Variants in WNK3 observed in about 807,000 individuals in gnomAD.
WNK3 encodes the protein serine/threonine-protein kinase WNK3.
Under a neutral mutation model 116.7 loss-of-function variants are expected in WNK3, and 18 were observed. The ratio of observed to expected loss-of-function variants is 0.15; its 90% CI spans 0.11 to 0.23. WNK3 has a LOEUF of 0.23. Among genes scored for constraint, WNK3 ranks in the 10% least tolerant of loss-of-function variants. The pLI is 1.00. For missense variants in WNK3, 993 were observed against 1,323.8 expected, an observed-to-expected ratio of 0.75 and a Z score of 3.88; for synonymous variants, 404 against 469.4, an observed-to-expected ratio of 0.86 and a Z score of 1.80.
chrX:54,238,294 A>AT, intron 19 of WNK3, 48 bp downstream of exon 19: 1 of 1,171,707 alleles, frequency 8.5e-7, no homozygotes, highest in Non-Finnish European at 1.1e-6. Flanking sequence ...ACTGGCTGTT[A>AT]TATTTTATAA....
rs782400336 is a variant in WNK3, at chrX:54,316,194, TATGTC to T, written c.538-4908_538-4904del. Among the ~76,000 whole-genome samples the T allele has an allele frequency of 5.3e-3, 588 of 111,070 alleles. 5 individuals are homozygous for T. The highest frequency in any genetic ancestry group is 0.013 in the South Asian group (34 of 2,611). ...TGACTGTATTTGGAGACGGGACCTTTATGTCATAAGGGTGGGTCCTTGATCCAATA... is the reference window on the plus strand; with the variant it reads ...TGACTGTATTTGGAGACGGGACCTTTATAAGGGTGGGTCCTTGATCCAATA... On this transcript the variant is annotated intron_variant, in intron 2 of 23. Transcript: ENST00000354646.
intron 22 of WNK3, among the ~76,000 whole-genome samples, chrX:54,204,750 C>T (rs1442781218): frequency 8.9e-6 from 1 of 112,223 alleles, no homozygotes; most frequent in African/African-American, 3.2e-5. Context: ...TGTTCTCAAC[C>T]TAGAAGAATG....
intron 6 of WNK3, among the ~76,000 whole-genome samples, chrX:54,298,941 C>T (rs2068726973): frequency 8.9e-6 from 1 of 112,039 alleles, no homozygotes; most frequent in Non-Finnish European, 1.9e-5. Context: ...TTACAGAATG[C>T]CATGGGTGAA....
At chrX:54,352,989 G>T (rs781794381) in intron 1 of WNK3, among the ~76,000 whole-genome samples, 2 of 112,170 alleles carry the variant, frequency 1.8e-5, no homozygotes, top group Admixed American at 9.5e-5. Flanking sequence ...TATATTATAT[G>T]ATTCCATTTA....
chrX:54,309,323 A>G lies in WNK3; in HGVS notation c.711-8T>C, dbSNP rs782793185. On this transcript the variant is annotated splice_polypyrimidine_tract_variant and splice_region_variant and intron_variant, in intron 3 of 23. Transcript: ENST00000354646. ...TTAAATCGTTTTAAGTACCTATACA[A>G]AGAAACAAAAGACCATGTGTAAACA... is the stretch of plus-strand genomic sequence containing the variant. The G allele has an allele frequency of 8.7e-7, 1 of 1,153,237 alleles. No individual in the cohort carries two copies. The highest frequency in any genetic ancestry group is 2.2e-5 in the Admixed American group (1 of 45,383).
At chrX:54,222,940 A>ATATATATATATAT (rs869180374) in intron 22 of WNK3, among the ~76,000 whole-genome samples, 18 of 86,421 alleles carry the variant, frequency 2.1e-4, no homozygotes, top group African/African-American at 1.1e-3. Flanking sequence ...ATATATATAT[A>ATATATATATATAT]AAAAAAGACA....
chrX:54,271,019 T>C (rs1465966435), intron 10 of WNK3, among the ~76,000 whole-genome samples: 2 of 111,787 alleles, frequency 1.8e-5, no homozygotes, highest in Non-Finnish European at 3.8e-5. Context: ...CCTCAGGTGA[T>C]CTGCCCGCCT....
chrX:54,251,411 T>C (rs1557154167), exon 15 of WNK3: 1 of 1,175,589 alleles, frequency 8.5e-7, no homozygotes, highest in Non-Finnish European at 1.1e-6. Flanking sequence ...CTGGTTTGAG[T>C]AGATGTAGAA....
intron 3 of WNK3, 22 bp from the exon 4 acceptor site, chrX:54,309,337 C>T: frequency 9.0e-7 from 1 of 1,113,791 alleles, no homozygotes; most frequent in African/African-American, 1.8e-5. Flanking sequence ...AACAAAAGAC[C>T]ATGTGTAAAC....
At chrX:54,238,232 CA>C (rs1160616252) in intron 19 of WNK3, 109 bp downstream of exon 19, 486 of 914,658 alleles carry the variant, frequency 5.3e-4, no homozygotes, top group South Asian at 9.3e-4. Flanking sequence ...AACTCCATCT[CA>C]AAAAAAAATA....
chrX:54,284,891 A>C (rs2068561995), intron 10 of WNK3, among the ~76,000 whole-genome samples: 1 of 109,495 alleles, frequency 9.1e-6, no homozygotes, highest in Admixed American at 9.8e-5. Flanking sequence ...AATCACTTGA[A>C]CCCAGGAGGT....
intron 7 of WNK3, among the ~76,000 whole-genome samples, chrX:54,296,359 C>T (rs1557166310): frequency 2.7e-5 from 3 of 110,787 alleles, no homozygotes; most frequent in African/African-American, 6.6e-5. Context: ...GAGATTATCT[C>T]GGTGAATCTT....
intron 22 of WNK3, among the ~76,000 whole-genome samples, chrX:54,220,876 G>A (rs1397076687): frequency 9.0e-6 from 1 of 110,856 alleles, no homozygotes; most frequent in Non-Finnish European, 1.9e-5. Context: ...TTTAACCTGG[G>A]CCAGAATAGA....
At chrX:54,225,620 C>CAA (rs781823865) in intron 22 of WNK3, among the ~76,000 whole-genome samples, 3 of 50,890 alleles carry the variant, frequency 5.9e-5, no homozygotes, top group Admixed American at 2.4e-4. Flanking sequence ...GACTCTGTTT[C>CAA]AAAAAAAAAA....
chrX:54,202,811 C>T (rs1557141947), intron 22 of WNK3, among the ~76,000 whole-genome samples: 1 of 109,589 alleles, frequency 9.1e-6, no homozygotes, highest in African/African-American at 3.3e-5. Context: ...TTTTCACCAG[C>T]TCCCTCAGAT....
chrX:54,275,007 T>C (rs1158782798), intron 10 of WNK3, among the ~76,000 whole-genome samples: 3 of 74,386 alleles, frequency 4.0e-5, no homozygotes, highest in Admixed American at 1.5e-4. Flanking sequence ...CAAGACCCTG[T>C]CACATAAAAA....
chrX:54,196,149 A>C (rs782515881), exon 24 of WNK3: 1 of 111,652 alleles, frequency 9.0e-6, no homozygotes, highest in East Asian at 2.8e-4. Flanking sequence ...ACATATGGAA[A>C]ACAGTGCAAT....
chrX:54,271,063 G>C (rs1047096107), intron 10 of WNK3, among the ~76,000 whole-genome samples: 1 of 112,154 alleles, frequency 8.9e-6, no homozygotes, highest in South Asian at 3.7e-4. Flanking sequence ...ACAGGCGTGA[G>C]CCACTGCGCC....
At chrX:54,236,960 C>T in exon 20 of WNK3, 1 of 1,199,165 alleles carries the variant, frequency 8.3e-7, no homozygotes, top group Non-Finnish European at 1.1e-6. Context: ...CTTTGAAGCT[C>T]CACCTTCAAG....
Sources: allele counts gnomAD v4.1 joint callset (sites outside exome capture counted in the v4.1 genomes callset), GRCh38; gene constraint gnomAD v4.1.1; transcripts MANE v1.5; gene names NCBI Gene and HGNC (gene_info 2026-07-23, HGNC 2026-07-21).